GNPTAB: variants seen among roughly 807,000 people sequenced by gnomAD.
GNPTAB encodes the protein N-acetylglucosamine-1-phosphotransferase subunits alpha/beta.
A neutral mutation model predicts 136.6 loss-of-function variants in GNPTAB; 92 were observed. The ratio of observed to expected loss-of-function variants is 0.67; its 90% CI spans 0.57 to 0.80. The LOEUF is 0.80. GNPTAB is among the 30% of genes least tolerant of loss of function. The pLI is 0.00. For missense variants in GNPTAB, 1,343 were observed against 1,501.8 expected, an observed-to-expected ratio of 0.89 and a Z score of 1.75; for synonymous variants, 512 against 535.1, an observed-to-expected ratio of 0.96 and a Z score of 0.60.
chr12:101,801,948 G>A (rs1371454125), intron 1 of GNPTAB, among the ~76,000 whole-genome samples: 1 of 151,944 alleles, frequency 6.6e-6, no homozygotes, highest in Non-Finnish European at 1.5e-5. Flanking sequence ...AGCTACTCAG[G>A]AGGCCAAGGC....
intron 12 of GNPTAB, 24 bp from the exon 13 acceptor site, chr12:101,765,328 ATTT>A (rs546802775): frequency 1.4e-6 from 2 of 1,443,398 alleles, no homozygotes; most frequent in South Asian, 1.2e-5. Context: ...CAGAAACATG[ATTT>A]TTTTTTTAAC....
At chr12:101,762,483 C>T (rs578175556) in intron 13 of GNPTAB, among the ~76,000 whole-genome samples, 27 of 152,226 alleles carry the variant, frequency 1.8e-4, no homozygotes, top group African/African-American at 6.0e-4. Context: ...ATTCTACCTG[C>T]AGAACTAAAA....
At position 101,830,803 on chromosome 12, in the gene GNPTAB, G is replaced by A. The variant is rs1164854800; in HGVS notation, c.-128C>T. 12 of 332,750 alleles carry A rather than the reference G, an allele frequency of 3.6e-5. No individual in the cohort carries two copies. The highest frequency in any genetic ancestry group is 1.1e-4 in the Admixed American group (2 of 18,552). 20.6% of individuals were successfully genotyped at this position (332,750 alleles called of 1,614,324 possible). ...GCGCAGGTCACAGCCTCCGGGCGCC[G>A]CTCATTGCAGCTCCGGCGACGGACG... On this transcript the variant is annotated 5_prime_UTR_variant, in exon 1 of 21. Transcript: ENST00000299314.
intron 5 of GNPTAB, chr12:101,785,782 C>A: frequency 3.9e-6 from 2 of 506,428 alleles, no homozygotes; most frequent in South Asian, 4.7e-5. Flanking sequence ...GATTGAAAGT[C>A]CTCATCACAG....
chr12:101,782,287 G>T (rs928838714), intron 5 of GNPTAB, among the ~76,000 whole-genome samples: 1 of 152,060 alleles, frequency 6.6e-6, no homozygotes. Flanking sequence ...AGGTATTTGA[G>T]CATTAGAATA....
intron 1 of GNPTAB, among the ~76,000 whole-genome samples, chr12:101,799,095 T>C (rs1239226617): frequency 1.3e-5 from 2 of 152,198 alleles, no homozygotes; most frequent in Non-Finnish European, 2.9e-5. Context: ...CACTCCCAGC[T>C]AGAAAACTGC....
chr12:101,763,941 C>T (rs769581574), intron 13 of GNPTAB, among the ~76,000 whole-genome samples: 3 of 151,646 alleles, frequency 2.0e-5, no homozygotes, highest in Admixed American at 2.0e-4. Flanking sequence ...CCTCCAAGTA[C>T]GCCCCTGGCT....
chr12:101,824,706 A>G (rs978673159), intron 1 of GNPTAB, among the ~76,000 whole-genome samples: 15 of 151,834 alleles, frequency 9.9e-5, no homozygotes, highest in African/African-American at 3.4e-4. Context: ...TTGGCCTCCC[A>G]AAGTGCTGGG....
At chr12:101,758,107 C>G (rs940393460) in intron 16 of GNPTAB, among the ~76,000 whole-genome samples, 2 of 150,340 alleles carry the variant, frequency 1.3e-5, no homozygotes, top group African/African-American at 2.5e-5. Context: ...GGCGCGATCT[C>G]AGCTTACTGC....
intron 18 of GNPTAB, chr12:101,756,410 T>C: frequency 3.2e-6 from 1 of 317,072 alleles, no homozygotes; most frequent in Admixed American, 4.4e-5. Context: ...GACCCAGAAA[T>C]TAAAAATACT....
chr12:101,782,753 T>C (rs1156974266), intron 5 of GNPTAB, among the ~76,000 whole-genome samples: 1 of 152,240 alleles, frequency 6.6e-6, no homozygotes, highest in African/African-American at 2.4e-5. Flanking sequence ...TGCTTACTTC[T>C]TCAGGTTCAT....
intron 5 of GNPTAB, among the ~76,000 whole-genome samples, chr12:101,784,458 T>C (rs1029005641): frequency 2.6e-5 from 4 of 152,172 alleles, no homozygotes; most frequent in Non-Finnish European, 5.9e-5. Flanking sequence ...AAGAGAAGTT[T>C]GTATCCATGT....
intron 2 of GNPTAB, chr12:101,796,289 C>T: frequency 1.4e-6 from 1 of 702,442 alleles, no homozygotes; most frequent in Non-Finnish European, 2.6e-6. Context: ...TGCAATCATG[C>T]AATTTAAGGT....
intron 5 of GNPTAB, among the ~76,000 whole-genome samples, chr12:101,783,018 T>G (rs1290480399): frequency 1.3e-5 from 2 of 151,774 alleles, no homozygotes; most frequent in Non-Finnish European, 2.9e-5. Context: ...TGGCCGACAC[T>G]TCCTCTGCTG....
At chr12:101,819,291 C>A (rs1289603570) in intron 1 of GNPTAB, among the ~76,000 whole-genome samples, 1 of 152,172 alleles carries the variant, frequency 6.6e-6, no homozygotes, top group Admixed American at 6.5e-5. Context: ...GGATTACAGG[C>A]ATGAGCCACC....
intron 1 of GNPTAB, among the ~76,000 whole-genome samples, chr12:101,799,558 T>C (rs974775361): frequency 6.6e-6 from 1 of 152,182 alleles, no homozygotes; most frequent in Non-Finnish European, 1.5e-5. Context: ...GCAAATGCTG[T>C]TGGGCTTTCC....
chr12:101,779,844 G>C (rs544244402), intron 7 of GNPTAB: 10 of 400,800 alleles, frequency 2.5e-5, no homozygotes, highest in Non-Finnish European at 4.7e-5. Context: ...GAACGCACCC[G>C]ATCTTGTCTG....
Position 101,748,995 on chromosome 12 carries a change from A to T in GNPTAB, c.3693+106T>A, listed in dbSNP as rs1287359437. On this transcript the variant is annotated intron_variant, in intron 20 of 20. Transcript: ENST00000299314. ...CACATATGAGCTATAAGACAATAAG[A>T]GAAGTTAAAATTTTGATTGTAAATG... The T allele has an allele frequency of 6.7e-6, 5 of 742,234 alleles. No homozygotes were observed. In the East Asian group the frequency reaches 1.2e-4, roughly 18 times the overall value. 46.0% of individuals were successfully genotyped at this position (742,234 alleles called of 1,614,324 possible). A position where few individuals can be genotyped will look rare whatever the true frequency, so the allele number is the denominator to read the frequency against.
At chr12:101,784,086 G>A (rs1868494510) in intron 5 of GNPTAB, among the ~76,000 whole-genome samples, 1 of 152,014 alleles carries the variant, frequency 6.6e-6, no homozygotes, top group Non-Finnish European at 1.5e-5. Context: ...GATATAAACT[G>A]GTGAGTGGTA....
Sources: allele counts gnomAD v4.1 joint callset (sites outside exome capture counted in the v4.1 genomes callset), GRCh38; gene constraint gnomAD v4.1.1; transcripts MANE v1.5; gene names NCBI Gene and HGNC (gene_info 2026-07-23, HGNC 2026-07-21).